Variants in MALRD1 observed in about 807,000 individuals in gnomAD.
MALRD1 encodes the protein MAM and LDL-receptor class A domain-containing protein 1.
MALRD1 carries 247 observed loss-of-function variants against 242.1 expected under a neutral mutation model. The ratio of observed to expected loss-of-function variants is 1.02; its 90% CI spans 0.92 to 1.13. The LOEUF (loss-of-function observed/expected upper bound fraction) is 1.13, where lower values mean the gene tolerates loss of function less well. MALRD1 is among the 50% of genes most tolerant of loss of function. The pLI is 0.00. For synonymous variants in MALRD1, 995 were observed against 866.6 expected, an observed-to-expected ratio of 1.15 and a Z score of -2.60; for missense variants, 2,989 against 2,533.1, an observed-to-expected ratio of 1.18 and a Z score of -3.86.
rs116446756 is a variant in MALRD1, at chr10:19,356,381, A to G, written c.4441+4084A>G. On this transcript the variant is annotated intron_variant, in intron 26 of 39. Coordinates refer to ENST00000454679, the MANE Select transcript of MALRD1 (RefSeq NM_001142308.3). ...TTATGGAAGTTGGTGCAAGCGAGTTAAGGAATACCATGAATTTCCAATAGA... is the reference window on the plus strand; with the variant it reads ...TTATGGAAGTTGGTGCAAGCGAGTTGAGGAATACCATGAATTTCCAATAGA... Among the ~76,000 whole-genome samples the G allele has an allele frequency of 1.2e-3, 186 of 152,282 alleles. 1 individual carries two copies. Among genetic ancestry groups the G allele is most frequent in the African/African-American group, 4.3e-3 (178 of 41,572 alleles).
At chr10:19,397,772 G>A (rs1433663960) in intron 28 of MALRD1, among the ~76,000 whole-genome samples, 2 of 152,062 alleles carry the variant, frequency 1.3e-5, no homozygotes, top group African/African-American at 4.8e-5. Flanking sequence ...TGTTGTCTGT[G>A]AATTTGAGGT....
At chr10:19,584,094 G>A (rs373826986) in intron 33 of MALRD1, among the ~76,000 whole-genome samples, 60 of 149,822 alleles carry the variant, frequency 4.0e-4, no homozygotes, top group East Asian at 1.6e-3. Context: ...TTTTTATTGC[G>A]TCTATTTGAT....
In MALRD1 at chr10:19,327,579, A is replaced by G. The variant is rs1189585520; in HGVS notation, c.3593A>G (p.Asp1198Gly). 1.3e-6 allele frequency: 2 copies of G among 1,549,846 alleles called. No individual in the cohort carries two copies. The highest frequency in any genetic ancestry group is 4.9e-5 in the East Asian group (2 of 40,904). ...TCTCTATAGGTGCTCATCAAGAAAG[A>G]TAACGTTACTTCTAAATTGTGGGCT... Reference protein sequence around the residue: ...VGSLQVLIKKDNVTSKLWAQT... With the variant: ...VGSLQVLIKKGNVTSKLWAQT... The change falls in exon 23 of 40, where the codon GAT (aspartate) becomes GGT (glycine). Residue 1198 changes from aspartate to glycine, a missense_variant. Physicochemically the swap from Asp to Gly is moderately conservative, Grantham distance 94 (BLOSUM62 -1). Coordinates refer to ENST00000454679, the MANE Select transcript of MALRD1 (RefSeq NM_001142308.3).
chr10:19,454,948 T>A (rs1835568187), intron 29 of MALRD1, among the ~76,000 whole-genome samples: 1 of 152,148 alleles, frequency 6.6e-6, no homozygotes, highest in East Asian at 1.9e-4. Flanking sequence ...TCTGAATACA[T>A]TATGGTGCTA....
intron 14 of MALRD1, among the ~76,000 whole-genome samples, chr10:19,201,620 C>G (rs1836545432): frequency 6.6e-6 from 1 of 152,136 alleles, no homozygotes; most frequent in Non-Finnish European, 1.5e-5. Flanking sequence ...GAAATGACAT[C>G]TAGACACTTT....
At chr10:19,096,254 A>G (rs980212497) in intron 4 of MALRD1, among the ~76,000 whole-genome samples, 4 of 152,166 alleles carry the variant, frequency 2.6e-5, no homozygotes, top group Non-Finnish European at 5.9e-5. Context: ...TGTGCAGTAG[A>G]TCAATAAAAA....
chr10:19,452,987 C>T (rs1196453399), intron 29 of MALRD1, among the ~76,000 whole-genome samples: 1 of 152,148 alleles, frequency 6.6e-6, no homozygotes, highest in East Asian at 1.9e-4. Flanking sequence ...CATACGTTTA[C>T]ATGAATATTA....
chr10:19,287,721 A>G (rs1841195431), intron 21 of MALRD1, among the ~76,000 whole-genome samples: 1 of 152,084 alleles, frequency 6.6e-6, no homozygotes, highest in Non-Finnish European at 1.5e-5. Context: ...TATACCATAT[A>G]GTTTTGTGTA....
chr10:19,693,354 G>A lies in MALRD1; in HGVS notation c.6314+800G>A, dbSNP rs1833200893. Among the ~76,000 whole-genome samples the A allele has an allele frequency of 3.9e-5, 6 of 152,156 alleles. No individual in the cohort carries two copies. The South Asian group carries it at 1.2e-3, about 32-fold the overall frequency. On this transcript the variant is annotated intron_variant, in intron 38 of 39. Transcript: ENST00000454679. ...TCGTCTCAGCCCAAAATCTCCTTAA[G>A]CTGATAGGCAACTTCAGCAAAGTCT...
chr10:19,226,839 C>G (rs1202482477), intron 18 of MALRD1, among the ~76,000 whole-genome samples: 1 of 151,670 alleles, frequency 6.6e-6, no homozygotes, highest in Non-Finnish European at 1.5e-5. Context: ...GATGAAAGAT[C>G]AATAAATAAA....
At chr10:19,508,710 TTAAA>T (rs1333655140) in intron 31 of MALRD1, among the ~76,000 whole-genome samples, 3 of 152,194 alleles carry the variant, frequency 2.0e-5, no homozygotes, top group Non-Finnish European at 4.4e-5. Flanking sequence ...ATATATTAGA[TTAAA>T]TAAATTACTA....
At chr10:19,100,829 G>C (rs1033351269) in intron 4 of MALRD1, among the ~76,000 whole-genome samples, 1 of 152,028 alleles carries the variant, frequency 6.6e-6, no homozygotes, top group Admixed American at 6.6e-5. Context: ...AAAAACCAGA[G>C]ACATGTGATA....
chr10:19,100,229 T>G (rs1836203297), intron 4 of MALRD1, among the ~76,000 whole-genome samples: 1 of 152,172 alleles, frequency 6.6e-6, no homozygotes, highest in Non-Finnish European at 1.5e-5. Context: ...ATTGGTAAAT[T>G]TCCCTCCACT....
intron 28 of MALRD1, among the ~76,000 whole-genome samples, chr10:19,435,296 CCT>C (rs1554771110): frequency 3.1e-4 from 47 of 152,068 alleles, no homozygotes; most frequent in Admixed American, 5.9e-4. Context: ...CTCATTTTCC[CCT>C]GTTATTAACA....
intron 28 of MALRD1, among the ~76,000 whole-genome samples, chr10:19,401,792 A>G (rs1846857969): frequency 6.6e-6 from 1 of 151,118 alleles, no homozygotes; most frequent in Non-Finnish European, 1.5e-5. Context: ...ACCTCTAGTG[A>G]TACGACTTTA....
chr10:19,499,356 A>T, intron 31 of MALRD1, among the ~76,000 whole-genome samples: 1 of 151,656 alleles, frequency 6.6e-6, no homozygotes, highest in Non-Finnish European at 1.5e-5. Context: ...GATGTTTTGG[A>T]TGAGATCAAC....
In MALRD1 at chr10:19,238,503, A is replaced by AT. The variant is rs376375813; in HGVS notation, c.2992-19181_2992-19180insT. Among the ~76,000 whole-genome samples the AT allele has an allele frequency of 1.9e-4, 8 of 42,170 alleles. 1 individual carries two copies. Among genetic ancestry groups the AT allele is most frequent in the African/African-American group, 8.7e-4 (7 of 8,072 alleles). The allele number at this position is 42,170 out of a possible 152,430, so 27.7% of individuals were successfully genotyped here. On this transcript the variant is annotated intron_variant, in intron 18 of 39. Transcript: ENST00000454679. ...ATACATTATATATAATATATAATAT[A>AT]ATATATAATGTATATTATATATAAT...
intron 5 of MALRD1, 61 bp downstream of exon 5, chr10:19,104,136 A>T: frequency 1.1e-6 from 1 of 939,278 alleles, no homozygotes. Context: ...TGCAATTTAA[A>T]CATTGTGATG....
At chr10:19,391,237 CAT>C (rs1388444373) in intron 28 of MALRD1, among the ~76,000 whole-genome samples, 1 of 152,144 alleles carries the variant, frequency 6.6e-6, no homozygotes, top group Non-Finnish European at 1.5e-5. Flanking sequence ...CACACACAAA[CAT>C]ACACACACAC....
Sources: allele counts gnomAD v4.1 joint callset (sites outside exome capture counted in the v4.1 genomes callset), GRCh38; gene constraint gnomAD v4.1.1; transcripts MANE v1.5; gene names NCBI Gene and HGNC (gene_info 2026-07-23, HGNC 2026-07-21).